ELMO1: variants seen among roughly 807,000 people sequenced by gnomAD.
The protein encoded by ELMO1 is engulfment and cell motility 1, also known as engulfment and cell motility protein 1.
In ELMO1, 26 loss-of-function variants were observed where a neutral mutation model predicts 98.9. The observed-to-expected ratio is 0.26, with a 90% CI of 0.19 to 0.36. The LOEUF (loss-of-function observed/expected upper bound fraction) is 0.36. Among genes scored for constraint, ELMO1 ranks in the 10% least tolerant of loss-of-function variants. ELMO1 has a pLI of 1.00. For missense variants in ELMO1, 627 were observed against 935.2 expected, an observed-to-expected ratio of 0.67 and a Z score of 4.30; for synonymous variants, 346 against 346.0, an observed-to-expected ratio of 1.00 and a Z score of 0.00.
chr7:37,332,165 A>T (rs1309277996), intron 2 of ELMO1, among the ~76,000 whole-genome samples: 2 of 152,224 alleles, frequency 1.3e-5, no homozygotes, highest in South Asian at 4.1e-4. Flanking sequence ...TTAACTACAG[A>T]TGGCTTTGAT....
At chr7:37,294,134 T>C (rs142602072) in intron 4 of ELMO1, among the ~76,000 whole-genome samples, 2 of 152,248 alleles carry the variant, frequency 1.3e-5, no homozygotes, top group African/African-American at 4.8e-5. Flanking sequence ...TATGTTTACG[T>C]TGACTTCACA....
intron 14 of ELMO1, among the ~76,000 whole-genome samples, chr7:37,118,189 G>A (rs189492601): frequency 7.2e-5 from 11 of 152,154 alleles, no homozygotes; most frequent in South Asian, 2.1e-4. Context: ...TCTTGGCGTC[G>A]CCTCCACCAG....
intron 6 of ELMO1, among the ~76,000 whole-genome samples, chr7:37,258,162 G>A (rs1436323777): frequency 6.6e-6 from 1 of 152,130 alleles, no homozygotes; most frequent in Non-Finnish European, 1.5e-5. Context: ...TAGCTACTCG[G>A]GAGCCTGAGG....
At chr7:37,352,852 T>C (rs914042803) in intron 1 of ELMO1, among the ~76,000 whole-genome samples, 4 of 152,192 alleles carry the variant, frequency 2.6e-5, no homozygotes, top group Admixed American at 1.3e-4. Context: ...TTTGTGATCA[T>C]TTGAACATCT....
At chr7:37,053,321 C>CAT (rs898285850) in intron 15 of ELMO1, among the ~76,000 whole-genome samples, 1 of 148,868 alleles carries the variant, frequency 6.7e-6, no homozygotes, top group African/African-American at 2.6e-5. Flanking sequence ...CACACACACA[C>CAT]ACACACACAC....
intron 5 of ELMO1, among the ~76,000 whole-genome samples, chr7:37,267,063 A>G (rs1796302890): frequency 6.7e-6 from 1 of 149,958 alleles, no homozygotes; most frequent in Non-Finnish European, 1.5e-5. Context: ...ACACACACAC[A>G]CACACACACA....
At chr7:37,294,924 C>G (rs941246296) in intron 4 of ELMO1, among the ~76,000 whole-genome samples, 2 of 151,378 alleles carry the variant, frequency 1.3e-5, no homozygotes, top group Non-Finnish European at 2.9e-5. Flanking sequence ...CACTTGAACC[C>G]AAGAGGCGGA....
At chr7:37,170,568 CTTTG>C (rs140372714) in intron 13 of ELMO1, among the ~76,000 whole-genome samples, 92,029 of 149,834 alleles carry the variant, frequency 0.61, 30,531 homozygotes, top group Non-Finnish European at 0.73. Flanking sequence ...TTATTTCCTT[CTTTG>C]TTTTTCTTTT....
intron 15 of ELMO1, among the ~76,000 whole-genome samples, chr7:37,039,027 A>T (rs1464658517): frequency 6.6e-6 from 1 of 152,226 alleles, no homozygotes; most frequent in African/African-American, 2.4e-5. Flanking sequence ...GAGGGAGGAC[A>T]CACTTAAGTT....
chr7:37,292,757 C>T (rs1313838141), intron 4 of ELMO1, among the ~76,000 whole-genome samples: 8 of 104,750 alleles, frequency 7.6e-5, no homozygotes, highest in Non-Finnish European at 1.1e-4. Context: ...GCCCCCCGCC[C>T]GGCCAGCCAC....
At chr7:37,144,372 C>T (rs925755231) in intron 13 of ELMO1, among the ~76,000 whole-genome samples, 1 of 152,006 alleles carries the variant, frequency 6.6e-6, no homozygotes, top group African/African-American at 2.4e-5. Flanking sequence ...GAATTTCACG[C>T]CAAAACATTT....
rs73121122 is a variant in ELMO1, at chr7:37,061,750, C to G, written c.1300+34869G>C. 9.4e-3 allele frequency among the ~76,000 whole-genome samples: 1,436 copies of G among 152,276 alleles called. 9 individuals carry two copies. Among genetic ancestry groups the G allele is most frequent in the Admixed American group, 0.017 (259 of 15,294 alleles). Reference sequence around the variant, plus strand: ...AAAAAAGAACAATAAACAAATTATACTGAAATAAATACACCGAATGGCATC... The same window carrying G: ...AAAAAAGAACAATAAACAAATTATAGTGAAATAAATACACCGAATGGCATC... On this transcript the variant is annotated intron_variant, in intron 15 of 21. Transcript: ENST00000310758.
rs572201413 is a variant in ELMO1, at chr7:37,371,536, T to TGGG, written c.-73-28776_-73-28774dup. Among the ~76,000 whole-genome samples, 996 of 152,248 alleles carry TGGG rather than the reference T, an allele frequency of 6.5e-3. 17 individuals are homozygous for TGGG. The highest frequency in any genetic ancestry group is 0.023 in the African/African-American group (940 of 41,512). On this transcript the variant is annotated intron_variant, in intron 1 of 21. Transcript: ENST00000310758. ...ACCAAACTTAAGCACAGTAACAAAATGGGGGGGTTCCTTCAGTAATAAATA... is the reference window on the plus strand; with the variant it reads ...ACCAAACTTAAGCACAGTAACAAAATGGGGGGGGGGTTCCTTCAGTAATAAATA...
intron 13 of ELMO1, among the ~76,000 whole-genome samples, chr7:37,155,486 G>GAAAAAAAAAAAAAAAAAAAAA (rs1563040535): frequency 4.1e-4 from 1 of 2,428 alleles, no homozygotes; most frequent in African/African-American, 1.1e-3. Context: ...CAAACGGAAA[G>GAAAAAAAAAAAAAAAAAAAAA]CAAAAAAAAA....
intron 16 of ELMO1, among the ~76,000 whole-genome samples, chr7:36,934,262 G>A (rs577188413): frequency 1.3e-5 from 2 of 152,346 alleles, no homozygotes; most frequent in South Asian, 2.1e-4. Flanking sequence ...GACAATGAGA[G>A]AGGCTGCTGC....
chr7:37,245,690 T>C (rs1584865971), intron 6 of ELMO1, among the ~76,000 whole-genome samples: 1 of 152,044 alleles, frequency 6.6e-6, no homozygotes, highest in Non-Finnish European at 1.5e-5. Context: ...CAGAGGCTAC[T>C]CTCCACTAAA....
intron 16 of ELMO1, among the ~76,000 whole-genome samples, chr7:37,007,269 C>T (rs994517970): frequency 2.0e-5 from 3 of 152,096 alleles, no homozygotes; most frequent in Non-Finnish European, 4.4e-5. Context: ...AAAGACTTCT[C>T]CTCTACTCAA....
At chr7:37,296,482 C>T (rs973938848) in intron 4 of ELMO1, among the ~76,000 whole-genome samples, 5 of 152,170 alleles carry the variant, frequency 3.3e-5, no homozygotes, top group African/African-American at 7.2e-5. Context: ...ACTCCCAAAT[C>T]GACTGATTGA....
chr7:37,309,177 C>T (rs1249889168), intron 4 of ELMO1, among the ~76,000 whole-genome samples: 1 of 152,110 alleles, frequency 6.6e-6, no homozygotes, highest in Non-Finnish European at 1.5e-5. Context: ...GGAGGCCTCA[C>T]AATCATGGTG....
Sources: allele counts gnomAD v4.1 joint callset (sites outside exome capture counted in the v4.1 genomes callset), GRCh38; gene constraint gnomAD v4.1.1; transcripts MANE v1.5; gene names NCBI Gene and HGNC (gene_info 2026-07-23, HGNC 2026-07-21).